The following IL1RAPL2 variants were observed in gnomAD, a reference collection of about 807,000 sequenced individuals.
IL1RAPL2 encodes the protein interleukin 1 receptor accessory protein like 2, also known as X-linked interleukin-1 receptor accessory protein-like 2.
IL1RAPL2 carries 3 observed loss-of-function variants against 44.1 expected under a neutral mutation model. That is an observed-to-expected ratio of 0.07 (90% CI 0.03 to 0.18). IL1RAPL2 has a LOEUF of 0.18. Among genes scored for constraint, IL1RAPL2 ranks in the 10% least tolerant of loss-of-function variants. The pLI is 1.00. For missense variants in IL1RAPL2, 391 were observed against 496.4 expected (o/e 0.79, Z 2.02); for synonymous variants, 181 against 178.8 (o/e 1.01, Z -0.10).
At chrX:105,082,430 T>C (rs1431275048) in intron 2 of IL1RAPL2, among the ~76,000 whole-genome samples, 3 of 111,275 alleles carry the variant, frequency 2.7e-5, no homozygotes, top group Non-Finnish European at 5.7e-5. Context: ...AGGTCCTGGG[T>C]TCACAGCGTT....
At chrX:105,673,318 C>A (rs1174004056) in intron 6 of IL1RAPL2, among the ~76,000 whole-genome samples, 1 of 110,824 alleles carries the variant, frequency 9.0e-6, no homozygotes, top group Non-Finnish European at 1.9e-5. Flanking sequence ...ACTCTCCCTA[C>A]CCCCATCCCA....
intron 6 of IL1RAPL2, among the ~76,000 whole-genome samples, chrX:105,633,482 A>G (rs1046103014): frequency 1.8e-5 from 2 of 111,476 alleles, no homozygotes; most frequent in African/African-American, 6.5e-5. Flanking sequence ...CAACTGCTTG[A>G]GTCTCGAAAA....
At chrX:105,382,511 C>T (rs767309078) in intron 5 of IL1RAPL2, among the ~76,000 whole-genome samples, 1,491 of 105,178 alleles carry the variant, frequency 0.014, 32 homozygotes, top group African/African-American at 0.053. Context: ...AACACTTTTA[C>T]ACTGTTGGTG....
chrX:104,705,553 G>GTCACTAT (rs1275696180), intron 2 of IL1RAPL2, among the ~76,000 whole-genome samples: 2 of 111,331 alleles, frequency 1.8e-5, no homozygotes, highest in Non-Finnish European at 3.8e-5. Flanking sequence ...CACCTACACT[G>GTCACTAT]TCACTATTGC....
At chrX:104,622,772 G>A (rs923673049) in intron 1 of IL1RAPL2, among the ~76,000 whole-genome samples, 1 of 111,828 alleles carries the variant, frequency 8.9e-6, no homozygotes, top group Admixed American at 9.5e-5. Context: ...TGCTTATGGG[G>A]TACCAATGAA....
chrX:104,829,573 C>T (rs760869456), intron 2 of IL1RAPL2, among the ~76,000 whole-genome samples: 108 of 112,499 alleles, frequency 9.6e-4, no homozygotes, highest in Middle Eastern at 4.6e-3. Flanking sequence ...TGTTCGTATT[C>T]GGCCATCTTG....
At chrX:105,548,875 T>C (rs1448744693) in intron 6 of IL1RAPL2, among the ~76,000 whole-genome samples, 2 of 112,491 alleles carry the variant, frequency 1.8e-5, no homozygotes, top group Non-Finnish European at 3.8e-5. Context: ...ATTATCAATC[T>C]TTTTTACGTC....
At chrX:105,153,334 T>C (rs1274529347) in intron 2 of IL1RAPL2, among the ~76,000 whole-genome samples, 1 of 112,059 alleles carries the variant, frequency 8.9e-6, no homozygotes, top group East Asian at 2.8e-4. Context: ...CTCAGTGAGG[T>C]AGACATTGTT....
intron 2 of IL1RAPL2, among the ~76,000 whole-genome samples, chrX:104,753,839 T>C (rs1234611996): frequency 8.9e-6 from 1 of 111,931 alleles, no homozygotes. Context: ...TGCATATATA[T>C]GCAGCATATT....
At chrX:104,774,501 T>C (rs771605928) in intron 2 of IL1RAPL2, among the ~76,000 whole-genome samples, 14 of 111,772 alleles carry the variant, frequency 1.3e-4, no homozygotes, top group Non-Finnish European at 2.6e-4. Flanking sequence ...TTATAAATGA[T>C]ACCAGTGCCT....
At chrX:105,354,001 G>C (rs1321483607) in intron 5 of IL1RAPL2, among the ~76,000 whole-genome samples, 1 of 110,824 alleles carries the variant, frequency 9.0e-6, no homozygotes, top group African/African-American at 3.3e-5. Context: ...GGACATCCCT[G>C]TCTTGTGCCA....
At chrX:104,719,823 C>T (rs765837383) in intron 2 of IL1RAPL2, among the ~76,000 whole-genome samples, 38 of 111,396 alleles carry the variant, frequency 3.4e-4, no homozygotes, top group Non-Finnish European at 6.2e-4. Flanking sequence ...AATGTGGATA[C>T]CATGTTGTAG....
chrX:105,496,949 C>T lies in IL1RAPL2; in HGVS notation c.772+12562C>T, dbSNP rs778369988. 3.6e-5 allele frequency among the ~76,000 whole-genome samples: 4 copies of T among 111,744 alleles called. No individual in the cohort carries two copies. The East Asian group carries it at 1.1e-3, about 32-fold the overall frequency. On this transcript the variant is annotated intron_variant, in intron 6 of 10. Coordinates refer to ENST00000372582, the MANE Select transcript of IL1RAPL2 (RefSeq NM_017416.2). ...CTTTGTATATAAAGTAGCTCTTAAA[C>T]TTTACAGATTACTACTCTGCTTGCA...
intron 7 of IL1RAPL2, among the ~76,000 whole-genome samples, chrX:105,732,470 CT>C (rs774193489): frequency 1.3e-4 from 14 of 110,223 alleles, no homozygotes; most frequent in Middle Eastern, 4.6e-3. Context: ...CTCCCCACCC[CT>C]CTCTTCCTCC....
intron 2 of IL1RAPL2, among the ~76,000 whole-genome samples, chrX:104,766,514 G>A (rs1184155813): frequency 9.1e-6 from 1 of 110,239 alleles, no homozygotes; most frequent in East Asian, 2.9e-4. Flanking sequence ...ATTGATTTCT[G>A]TACACTTTTC....
intron 2 of IL1RAPL2, among the ~76,000 whole-genome samples, chrX:105,058,986 G>A (rs1569371622): frequency 8.9e-6 from 1 of 111,845 alleles, no homozygotes; most frequent in Non-Finnish European, 1.9e-5. Context: ...TTAAAAAAAT[G>A]TGAATACACA....
At chrX:105,723,751 G>A (rs1322399705) in intron 7 of IL1RAPL2, among the ~76,000 whole-genome samples, 1 of 111,275 alleles carries the variant, frequency 9.0e-6, no homozygotes, top group Admixed American at 9.6e-5. Context: ...TCCTCACATG[G>A]CAACAAGGGC....
At chrX:105,300,915 G>T (rs1343783754) in intron 5 of IL1RAPL2, among the ~76,000 whole-genome samples, 1 of 111,444 alleles carries the variant, frequency 9.0e-6, no homozygotes, top group Non-Finnish European at 1.9e-5. Context: ...CAGTTACTCA[G>T]GAAAACAGTA....
intron 5 of IL1RAPL2, among the ~76,000 whole-genome samples, chrX:105,418,966 T>C (rs1208984866): frequency 8.9e-6 from 1 of 112,233 alleles, no homozygotes; most frequent in Non-Finnish European, 1.9e-5. Flanking sequence ...AGCAGTTTCC[T>C]TAATCTCCAC....
Sources: gnomAD v4.1 joint callset for allele counts (sites outside exome capture counted in the v4.1 genomes callset) on GRCh38, gnomAD v4.1.1 for gene constraint, MANE v1.5 for transcripts, NCBI Gene and HGNC (gene_info 2026-07-23, HGNC 2026-07-21) for gene names.